LRP1B: variants seen among roughly 807,000 people sequenced by gnomAD.
LRP1B encodes the protein low-density lipoprotein receptor-related protein 1B.
A neutral mutation model predicts 556.6 loss-of-function variants in LRP1B; 217 were observed. The ratio of observed to expected loss-of-function variants is 0.39; its 90% CI spans 0.35 to 0.44. The LOEUF is 0.44. Ranked by LOEUF, LRP1B falls within the 20% of genes least tolerant of loss-of-function variation. The probability of loss-of-function intolerance (pLI) is 1.00; values close to 1 mark genes in which losing one functional copy is unlikely to be tolerated. For missense variants in LRP1B, 5,053 were observed against 5,620.8 expected, an observed-to-expected ratio of 0.90 and a Z score of 3.23; for synonymous variants, 2,047 against 1,865.8, an observed-to-expected ratio of 1.10 and a Z score of -2.50.
intron 2 of LRP1B, among the ~76,000 whole-genome samples, chr2:141,768,932 A>G (rs1694815654): frequency 6.6e-6 from 1 of 151,838 alleles, no homozygotes; most frequent in South Asian, 2.1e-4. Flanking sequence ...GTACCTATCT[A>G]TTTATCTTTC....
chr2:140,759,359 C>T (rs552800672), intron 35 of LRP1B, among the ~76,000 whole-genome samples: 25 of 152,096 alleles, frequency 1.6e-4, no homozygotes, highest in African/African-American at 4.8e-4. Context: ...TTATACTAGA[C>T]GCTGACAATC....
intron 32 of LRP1B, among the ~76,000 whole-genome samples, chr2:140,802,244 A>T (rs1157145938): frequency 2.0e-5 from 3 of 152,108 alleles, no homozygotes; most frequent in Admixed American, 6.6e-5. Flanking sequence ...ATCACTAGGG[A>T]CTATTACTGA....
intron 17 of LRP1B, among the ~76,000 whole-genome samples, chr2:140,983,888 G>A (rs1696844253): frequency 6.6e-6 from 1 of 151,784 alleles, no homozygotes; most frequent in Non-Finnish European, 1.5e-5. Context: ...CAGCAAACAT[G>A]TATGCTTCTG....
At chr2:141,196,283 T>C (rs1031625660) in intron 6 of LRP1B, among the ~76,000 whole-genome samples, 1 of 152,150 alleles carries the variant, frequency 6.6e-6, no homozygotes, top group Admixed American at 6.6e-5. Flanking sequence ...CTACGTCAAG[T>C]GCATTTACTT....
At chr2:141,886,729 CTTTTGT>C (rs1473262421) in intron 1 of LRP1B, among the ~76,000 whole-genome samples, 1 of 152,096 alleles carries the variant, frequency 6.6e-6, no homozygotes, top group African/African-American at 2.4e-5. Context: ...ACTTACTCAC[CTTTTGT>C]TTTTGTTTTT....
chr2:141,315,555 G>A (rs1021278637), intron 3 of LRP1B, among the ~76,000 whole-genome samples: 35 of 151,506 alleles, frequency 2.3e-4, no homozygotes, highest in African/African-American at 9.7e-5. Context: ...CACCACGCCC[G>A]GCCGAATGAT....
intron 7 of LRP1B, among the ~76,000 whole-genome samples, chr2:141,134,192 C>G (rs917713996): frequency 4.6e-5 from 7 of 151,768 alleles, no homozygotes; most frequent in African/African-American, 1.7e-4. Context: ...TCCTCATCTA[C>G]CATGACCTCT....
At chr2:142,097,509 A>G (rs1364564380) in intron 1 of LRP1B, among the ~76,000 whole-genome samples, 1 of 151,706 alleles carries the variant, frequency 6.6e-6, no homozygotes, top group Admixed American at 6.6e-5. Flanking sequence ...AGATTACTTG[A>G]CTTTAAAATT....
intron 59 of LRP1B, among the ~76,000 whole-genome samples, chr2:140,483,260 T>C (rs1456751109): frequency 1.3e-5 from 2 of 152,222 alleles, no homozygotes; most frequent in East Asian, 3.9e-4. Context: ...TTTTGTACTG[T>C]GCTATTTTAA....
intron 22 of LRP1B, among the ~76,000 whole-genome samples, chr2:140,906,991 CT>C (rs1189493170): frequency 7.4e-6 from 1 of 134,892 alleles, no homozygotes; most frequent in Non-Finnish European, 1.6e-5. Context: ...AAAAAACTTC[CT>C]TTTTTATATC....
chr2:141,562,427 T>G (rs1215693799), intron 2 of LRP1B, among the ~76,000 whole-genome samples: 1 of 151,988 alleles, frequency 6.6e-6, no homozygotes, highest in Non-Finnish European at 1.5e-5. Context: ...TAGTACTAAT[T>G]AATTTACTAT....
chr2:141,694,788 G>C (rs1691676618), intron 2 of LRP1B, among the ~76,000 whole-genome samples: 1 of 151,986 alleles, frequency 6.6e-6, no homozygotes, highest in East Asian at 1.9e-4. Flanking sequence ...GGATGAGAAA[G>C]GCATCTTGTT....
At chr2:141,450,839 TA>T (rs1381365688) in intron 3 of LRP1B, among the ~76,000 whole-genome samples, 1 of 152,146 alleles carries the variant, frequency 6.6e-6, no homozygotes, top group Non-Finnish European at 1.5e-5. Context: ...TTATTAACTC[TA>T]AAAGTTCAGC....
At chr2:141,711,460 T>C (rs1453067106) in intron 2 of LRP1B, among the ~76,000 whole-genome samples, 1 of 152,090 alleles carries the variant, frequency 6.6e-6, no homozygotes, top group Non-Finnish European at 1.5e-5. Context: ...GGAGATACCA[T>C]GTAGAGACAT....
chr2:141,160,528 A>G (rs1679974600), intron 7 of LRP1B, among the ~76,000 whole-genome samples: 1 of 152,116 alleles, frequency 6.6e-6, no homozygotes, highest in Non-Finnish European at 1.5e-5. Flanking sequence ...GAAGGAATAA[A>G]TATCATCTGG....
intron 11 of LRP1B, among the ~76,000 whole-genome samples, chr2:141,036,354 A>G (rs1698532485): frequency 6.6e-6 from 1 of 152,116 alleles, no homozygotes; most frequent in African/African-American, 2.4e-5. Context: ...TACAAGAGAA[A>G]GATGGAAGGC....
At chr2:141,580,394 T>C (rs1686923310) in intron 2 of LRP1B, among the ~76,000 whole-genome samples, 1 of 152,192 alleles carries the variant, frequency 6.6e-6, no homozygotes, top group Non-Finnish European at 1.5e-5. Context: ...TTAAGACACA[T>C]ACAAATACAT....
chr2:140,759,489 GT>G (rs1438316266), intron 35 of LRP1B, among the ~76,000 whole-genome samples: 4 of 152,130 alleles, frequency 2.6e-5, no homozygotes, highest in Non-Finnish European at 4.4e-5. Context: ...AATGAAACTA[GT>G]TTTATTTGTT....
chr2:140,477,763 A>G (rs1688034429), intron 59 of LRP1B, among the ~76,000 whole-genome samples: 1 of 152,194 alleles, frequency 6.6e-6, no homozygotes, highest in African/African-American at 2.4e-5. Flanking sequence ...CATGAAGTCC[A>G]ACATTTGTTA....
Sources: allele counts gnomAD v4.1 joint callset (sites outside exome capture counted in the v4.1 genomes callset), GRCh38; gene constraint gnomAD v4.1.1; transcripts MANE v1.5; gene names NCBI Gene and HGNC (gene_info 2026-07-23, HGNC 2026-07-21).